Variants in TPM1 observed in about 807,000 individuals in gnomAD.
The protein encoded by TPM1 is tropomyosin 1, also known as tropomyosin alpha-1 chain.
Under a neutral mutation model 42.9 loss-of-function variants are expected in TPM1, and 24 were observed. The observed-to-expected ratio is 0.56, with a 90% confidence interval of 0.41 to 0.79. TPM1 has a LOEUF of 0.79. TPM1 is among the 30% of genes least tolerant of loss of function. TPM1 has a pLI of 0.00. For synonymous variants in TPM1, 136 were observed against 130.1 expected (o/e 1.05, Z -0.31); for missense variants, 158 against 351.8 (o/e 0.45, Z 4.41).
chr15:63,043,861 C>A, intron 1 of TPM1, 166 bp from the exon 2 acceptor site: 1 of 1,549,418 alleles, frequency 6.5e-7, no homozygotes, highest in Non-Finnish European at 8.7e-7. Flanking sequence ...CGGCGTGGCG[C>A]ACGAATGGCT....
rs185155152 is a variant in TPM1 at position 63,059,764 on chromosome 15, G to T, written c.492+84G>T. 164 of 961,876 alleles carry T rather than the reference G, an allele frequency of 1.7e-4. 3 individuals are homozygous for T. In the East Asian group the frequency reaches 2.8e-3, roughly 16 times the overall value. 59.6% of individuals were successfully genotyped at this position (961,876 alleles called of 1,614,324 possible). A position where few individuals can be genotyped will look rare whatever the true frequency, so the allele number is the denominator to read the frequency against. ...GGAGCAATGTACAGTCTTGATTCCC[G>T]AGTGAGGCCATCTGCTTTGTTGGCA... On this transcript the variant is annotated intron_variant, in intron 4 of 9. Coordinates refer to ENST00000403994, the MANE Select transcript of TPM1 (RefSeq NM_001018005.2).
At chr15:63,070,405 A>G (rs1474843782), downstream of TPM1, 3 of 995,716 alleles carry the variant, frequency 3.0e-6, no homozygotes, top group Non-Finnish European at 2.4e-6. Flanking sequence ...AAATGTACCT[A>G]TGCTTGGGCA....
At chr15:63,051,276 T>C (rs2033799275) in intron 2 of TPM1, among the ~76,000 whole-genome samples, 1 of 152,212 alleles carries the variant, frequency 6.6e-6, no homozygotes, top group Non-Finnish European at 1.5e-5. Flanking sequence ...TTTCCCTCTT[T>C]ACACTTGGTA....
At chr15:63,049,395 T>G (rs2033350157) in intron 2 of TPM1, 1 of 152,384 alleles carries the variant, frequency 6.6e-6, no homozygotes, top group African/African-American at 2.4e-5. Flanking sequence ...GTTGGCGAAA[T>G]GTCAACAGTT....
chr15:63,070,997 G>A, downstream of TPM1: 4 of 1,596,110 alleles, frequency 2.5e-6, no homozygotes, highest in Non-Finnish European at 2.6e-6. Context: ...CTCATCCTGT[G>A]TTTGTGATTG....
chr15:63,061,989 A>C (rs2035699978), intron 6 of TPM1: 1 of 671,834 alleles, frequency 1.5e-6, no homozygotes. Flanking sequence ...CATCAATTTA[A>C]TTTAAACCAA....
downstream of TPM1, chr15:63,066,285 A>G: frequency 1.2e-6 from 1 of 867,114 alleles, no homozygotes; most frequent in South Asian, 2.7e-5. Flanking sequence ...CTTCAAAAAA[A>G]TACCCAGGCC....
intron 2 of TPM1, among the ~76,000 whole-genome samples, chr15:63,049,638 A>T (rs2033413206): frequency 6.6e-6 from 1 of 152,144 alleles, no homozygotes; most frequent in Non-Finnish European, 1.5e-5. Context: ...TGCTTAATAT[A>T]CGGGGTTGTT....
At chr15:63,056,683 AAAAC>A in intron 2 of TPM1, 2 of 379,970 alleles carry the variant, frequency 5.3e-6, no homozygotes. Context: ...AAAACAAAAC[AAAAC>A]AAAAAAATCT....
chr15:63,066,692 T>C (rs892366261), downstream of TPM1, among the ~76,000 whole-genome samples: 2 of 152,250 alleles, frequency 1.3e-5, no homozygotes, highest in African/African-American at 4.8e-5. Context: ...CAAGCTTTTT[T>C]GAAGTATATT....
chr15:63,055,059 C>T (rs1379537101), intron 2 of TPM1, among the ~76,000 whole-genome samples: 1 of 150,626 alleles, frequency 6.6e-6, no homozygotes, highest in African/African-American at 2.4e-5. Context: ...TTTTAAAAGA[C>T]ACTTCCCTAT....
intron 2 of TPM1, chr15:63,044,656 G>C (rs1396036003): frequency 1.3e-5 from 3 of 226,470 alleles, no homozygotes; most frequent in Non-Finnish European, 2.6e-5. Context: ...GCACTTCATG[G>C]TGGGGCACAG....
chr15:63,069,838 T>C (rs1234799006), downstream of TPM1: 1 of 1,613,654 alleles, frequency 6.2e-7, no homozygotes, highest in Non-Finnish European at 8.5e-7. Flanking sequence ...CTTCTGCCTC[T>C]TTTCTGCTAA....
At chr15:63,043,974 C>A (rs1425538547) in intron 1 of TPM1, 53 bp from the exon 2 acceptor site, 2 of 1,591,864 alleles carry the variant, frequency 1.3e-6, no homozygotes, top group African/African-American at 2.7e-5. Context: ...CCTTCGGGAT[C>A]ACGCTGCCTG....
downstream of TPM1, among the ~76,000 whole-genome samples, chr15:63,068,099 G>A (rs866394470): frequency 4.0e-4 from 61 of 152,172 alleles, no homozygotes; most frequent in African/African-American, 1.4e-3. Context: ...CACCCATGGC[G>A]ACACTTCCTA....
At chr15:63,053,588 G>T (rs1406585178) in intron 2 of TPM1, among the ~76,000 whole-genome samples, 1 of 151,984 alleles carries the variant, frequency 6.6e-6, no homozygotes, top group Non-Finnish European at 1.5e-5. Flanking sequence ...GTGGCAAAGG[G>T]GATTGTTTAT....
At chr15:63,057,258 C>T in intron 3 of TPM1, 140 bp downstream of exon 3, 2 of 1,240,670 alleles carry the variant, frequency 1.6e-6, no homozygotes, top group Non-Finnish European at 2.3e-6. Flanking sequence ...CCAGGTATAA[C>T]TCGGTTGGTT....
At chr15:63,069,958 A>T (rs1325247864), downstream of TPM1, 3 of 1,613,822 alleles carry the variant, frequency 1.9e-6, no homozygotes, top group East Asian at 6.7e-5. Context: ...AAGAGTGAAA[A>T]AACTTGGGCT....
chr15:63,053,848 A>G (rs1031676899), intron 2 of TPM1, among the ~76,000 whole-genome samples: 1 of 151,882 alleles, frequency 6.6e-6, no homozygotes, highest in South Asian at 2.1e-4. Context: ...TGCCTGGCTA[A>G]TTTTTGTGTT....
Sources: gnomAD v4.1 joint callset for allele counts (sites outside exome capture counted in the v4.1 genomes callset) on GRCh38, gnomAD v4.1.1 for gene constraint, MANE v1.5 for transcripts, NCBI Gene and HGNC (gene_info 2026-07-23, HGNC 2026-07-21) for gene names.